SLC10A7: variants seen among roughly 807,000 people sequenced by gnomAD.
The protein encoded by SLC10A7 is solute carrier family 10 member 7.
SLC10A7 carries 29 observed loss-of-function variants against 43.2 expected under a neutral mutation model. The observed-to-expected ratio is 0.67, with a 90% confidence interval of 0.50 to 0.92. The LOEUF is 0.92. Ranked by LOEUF, SLC10A7 falls within the 40% of genes least tolerant of loss-of-function variation. The probability of loss-of-function intolerance (pLI) is 0.00; values close to 1 mark genes in which losing one functional copy is unlikely to be tolerated. For missense variants in SLC10A7, 295 were observed against 403.2 expected, an observed-to-expected ratio of 0.73 and a Z score of 2.30; for synonymous variants, 152 against 144.8, an observed-to-expected ratio of 1.05 and a Z score of -0.35.
chr4:146,293,119 G>C (rs1730554377), intron 8 of SLC10A7, 139 bp from the exon 9 acceptor site: 3 of 542,266 alleles, frequency 5.5e-6, no homozygotes, highest in Non-Finnish European at 9.6e-6. Context: ...AGCATGCCTT[G>C]CTAAATTGAA....
intron 5 of SLC10A7, among the ~76,000 whole-genome samples, chr4:146,375,963 G>A (rs569826601): frequency 1.6e-4 from 24 of 152,236 alleles, no homozygotes; most frequent in African/African-American, 5.8e-4. Flanking sequence ...AAGGGTGCCC[G>A]TGACCCCCTT....
At chr4:146,445,146 T>G (rs1730928882) in intron 4 of SLC10A7, among the ~76,000 whole-genome samples, 1 of 152,092 alleles carries the variant, frequency 6.6e-6, no homozygotes, top group Non-Finnish European at 1.5e-5. Context: ...TTCCCCAAAC[T>G]CATCATGCCA....
intron 11 of SLC10A7, among the ~76,000 whole-genome samples, chr4:146,258,322 G>A (rs999824929): frequency 5.3e-5 from 8 of 152,200 alleles, no homozygotes; most frequent in African/African-American, 1.4e-4. Context: ...AAAGGCATGT[G>A]AAGTAAGACA....
At chr4:146,349,238 G>A (rs1416529255) in intron 5 of SLC10A7, among the ~76,000 whole-genome samples, 5 of 151,952 alleles carry the variant, frequency 3.3e-5, no homozygotes. Flanking sequence ...CATACAAGCA[G>A]CCAAAAAATA....
At chr4:146,456,153 C>T (rs1055056378) in intron 4 of SLC10A7, among the ~76,000 whole-genome samples, 1 of 151,024 alleles carries the variant, frequency 6.6e-6, no homozygotes, top group Non-Finnish European at 1.5e-5. Context: ...AGAACAAGCA[C>T]AGGAAAGAAA....
chr4:146,469,065 T>A (rs1005323710), intron 4 of SLC10A7, among the ~76,000 whole-genome samples: 1 of 152,058 alleles, frequency 6.6e-6, no homozygotes, highest in Non-Finnish European at 1.5e-5. Flanking sequence ...CAAAGCTGAA[T>A]GGGGAGCACA....
At chr4:146,517,732 C>A (rs1281734100) in intron 1 of SLC10A7, among the ~76,000 whole-genome samples, 1 of 152,138 alleles carries the variant, frequency 6.6e-6, no homozygotes, top group Admixed American at 6.5e-5. Context: ...TTATATCTAT[C>A]ATGGTATCAG....
chr4:146,509,518 G>A (rs1418707962), intron 3 of SLC10A7, among the ~76,000 whole-genome samples: 1 of 152,164 alleles, frequency 6.6e-6, no homozygotes, highest in East Asian at 1.9e-4. Flanking sequence ...GGTAACGTTT[G>A]TCCCACATAT....
intron 6 of SLC10A7, among the ~76,000 whole-genome samples, chr4:146,308,192 G>A (rs979638804): frequency 2.6e-5 from 4 of 152,166 alleles, no homozygotes; most frequent in Non-Finnish European, 4.4e-5. Context: ...CTGGGTACAT[G>A]AAGACAGACG....
intron 4 of SLC10A7, among the ~76,000 whole-genome samples, chr4:146,499,984 C>T (rs1736249555): frequency 6.6e-6 from 1 of 152,174 alleles, no homozygotes. Context: ...ATAGCCTACA[C>T]ACCTCTTGAG....
At chr4:146,264,676 G>C (rs770719229) in intron 10 of SLC10A7, among the ~76,000 whole-genome samples, 1 of 151,976 alleles carries the variant, frequency 6.6e-6, no homozygotes, top group Non-Finnish European at 1.5e-5. Context: ...TGCTGCAACT[G>C]CAACTCCTAC....
intron 6 of SLC10A7, among the ~76,000 whole-genome samples, chr4:146,314,753 G>A (rs1408517754): frequency 6.6e-6 from 1 of 152,082 alleles, no homozygotes; most frequent in Non-Finnish European, 1.5e-5. Flanking sequence ...GACCTTTATG[G>A]CTGGAGAGAG....
intron 5 of SLC10A7, among the ~76,000 whole-genome samples, chr4:146,411,836 T>C (rs1208574268): frequency 6.6e-6 from 1 of 152,210 alleles, no homozygotes; most frequent in Admixed American, 6.5e-5. Context: ...GTCATGCATT[T>C]GCTGGAATAA....
chr4:146,256,984 T>C, intron 11 of SLC10A7: 1 of 1,271,024 alleles, frequency 7.9e-7, no homozygotes, highest in Non-Finnish European at 1.1e-6. Context: ...GTCTCCCTTT[T>C]GGAAATGCTT....
intron 6 of SLC10A7, among the ~76,000 whole-genome samples, chr4:146,323,146 T>A (rs1732853338): frequency 6.6e-6 from 1 of 152,176 alleles, no homozygotes; most frequent in Admixed American, 6.5e-5. Context: ...ATTGCAAAAA[T>A]TTTCTCCCAT....
chr4:146,508,285 C>T (rs551372262), intron 3 of SLC10A7, among the ~76,000 whole-genome samples: 2 of 152,234 alleles, frequency 1.3e-5, no homozygotes, highest in South Asian at 2.1e-4. Context: ...CCTTTATAAC[C>T]AACTAGGTTG....
chr4:146,472,438 T>G (rs1163544794), intron 4 of SLC10A7, among the ~76,000 whole-genome samples: 6 of 8,540 alleles, frequency 7.0e-4, no homozygotes, highest in Non-Finnish European at 1.2e-3. Context: ...CTTATTCTGT[T>G]TTTTTTTTTT....
intron 10 of SLC10A7, among the ~76,000 whole-genome samples, chr4:146,269,128 G>T (rs2111039821): frequency 6.6e-6 from 1 of 152,310 alleles, no homozygotes; most frequent in South Asian, 2.1e-4. Context: ...AAAGATGCAA[G>T]AAAAGACCAA....
At chr4:146,257,457 G>A (rs1727952893) in intron 11 of SLC10A7, among the ~76,000 whole-genome samples, 1 of 152,162 alleles carries the variant, frequency 6.6e-6, no homozygotes, top group Non-Finnish European at 1.5e-5. Flanking sequence ...TCATCACCGT[G>A]TTGGGTAAAG....
Sources: gnomAD v4.1 joint callset for allele counts (sites outside exome capture counted in the v4.1 genomes callset) on GRCh38, gnomAD v4.1.1 for gene constraint, MANE v1.5 for transcripts, NCBI Gene and HGNC (gene_info 2026-07-23, HGNC 2026-07-21) for gene names.